The following CLSTN2 variants were observed in gnomAD, a reference collection of about 807,000 sequenced individuals.
CLSTN2 encodes the protein calsyntenin 2.
A neutral mutation model predicts 101.2 loss-of-function variants in CLSTN2; 48 were observed. The observed-to-expected ratio is 0.47, with a 90% CI of 0.38 to 0.60. The LOEUF (loss-of-function observed/expected upper bound fraction) is 0.60. Among genes scored for constraint, CLSTN2 ranks in the 20% least tolerant of loss-of-function variants. CLSTN2 has a pLI of 0.00. For missense variants in CLSTN2, 1,160 were observed against 1,238.2 expected (o/e 0.94, Z 0.95); for synonymous variants, 481 against 463.6 (o/e 1.04, Z -0.48).
intron 6 of CLSTN2, chr3:140,452,528 G>C (rs1405899642): frequency 6.6e-6 from 1 of 152,330 alleles, no homozygotes; most frequent in Non-Finnish European, 1.5e-5. Context: ...TATCTCCTCA[G>C]AGGGTCATCA....
At chr3:140,562,342 G>T (rs777438814) in intron 13 of CLSTN2, 34 bp downstream of exon 13, 3 of 1,587,740 alleles carry the variant, frequency 1.9e-6, no homozygotes, top group Non-Finnish European at 2.6e-6. Flanking sequence ...TGCCCCAAGG[G>T]TGTCCTCTTA....
intron 2 of CLSTN2, among the ~76,000 whole-genome samples, chr3:140,359,183 C>A (rs1252061359): frequency 6.6e-6 from 1 of 151,072 alleles, no homozygotes; most frequent in Admixed American, 6.6e-5. Flanking sequence ...CCACTTGAGA[C>A]CCTAAATTCT....
rs1008075464 is a variant in CLSTN2 at position 140,260,977 on chromosome 3, C to T, written c.232+84904C>T. Among the ~76,000 whole-genome samples, 4 of 152,128 alleles carry T rather than the reference C, an allele frequency of 2.6e-5. No individual in the cohort carries two copies. The South Asian group carries it at 6.2e-4, about 24-fold the overall frequency. On this transcript the variant is annotated intron_variant, in intron 2 of 16. Transcript: ENST00000458420. ...ACCACAGGGGTGAGGTACCCCTTTT[C>T]ATCATGTTAAGTAAAGGATATGTAA... is the stretch of plus-strand genomic sequence containing the variant.
intron 2 of CLSTN2, among the ~76,000 whole-genome samples, chr3:140,274,891 C>T (rs2086779912): frequency 6.6e-6 from 1 of 152,206 alleles, no homozygotes; most frequent in Non-Finnish European, 1.5e-5. Context: ...GCAACAGCCA[C>T]TTCTGGCGAG....
chr3:140,092,226 G>A lies in CLSTN2; in HGVS notation c.110-83725G>A, dbSNP rs557725634. ...ATGCTGTCTTACTGTTCAATTCACTGAAGAATCCTCCCACAGTCATCACTT... is the reference window on the plus strand; with the variant it reads ...ATGCTGTCTTACTGTTCAATTCACTAAAGAATCCTCCCACAGTCATCACTT... On this transcript the variant is annotated intron_variant, in intron 1 of 16. Transcript: ENST00000458420. Among the ~76,000 whole-genome samples, 272 of 152,270 alleles carry A rather than the reference G, an allele frequency of 1.8e-3. 3 individuals are homozygous for A. The highest frequency in any genetic ancestry group is 6.4e-3 in the African/African-American group (264 of 41,562).
At chr3:140,510,491 C>G (rs964242457) in intron 8 of CLSTN2, among the ~76,000 whole-genome samples, 6 of 152,224 alleles carry the variant, frequency 3.9e-5, no homozygotes, top group African/African-American at 7.2e-5. Flanking sequence ...GTCTTGATTT[C>G]CATGCTCGAA....
At chr3:140,234,520 C>T (rs2086399423) in intron 2 of CLSTN2, among the ~76,000 whole-genome samples, 1 of 152,100 alleles carries the variant, frequency 6.6e-6, no homozygotes, top group Non-Finnish European at 1.5e-5. Flanking sequence ...GTAGATGAGT[C>T]ATGTCAAGCT....
intron 16 of CLSTN2, 24 bp downstream of exon 16, chr3:140,564,169 G>C (rs1935987124): frequency 6.2e-7 from 1 of 1,608,628 alleles, no homozygotes; most frequent in Non-Finnish European, 8.5e-7. Context: ...ACGGCTGGGA[G>C]TTCTGGGTGG....
At chr3:140,193,989 A>G (rs1254837067) in intron 2 of CLSTN2, among the ~76,000 whole-genome samples, 3 of 151,854 alleles carry the variant, frequency 2.0e-5, no homozygotes, top group Non-Finnish European at 4.4e-5. Flanking sequence ...TATATTTTCT[A>G]TTTATTTGCT....
intron 1 of CLSTN2, among the ~76,000 whole-genome samples, chr3:140,169,074 T>C (rs2010175384): frequency 6.6e-6 from 1 of 152,106 alleles, no homozygotes; most frequent in South Asian, 2.1e-4. Flanking sequence ...TATATATCAA[T>C]TTTGGGGAAA....
intron 8 of CLSTN2, among the ~76,000 whole-genome samples, chr3:140,528,588 T>C (rs917925252): frequency 2.0e-5 from 3 of 150,610 alleles, no homozygotes; most frequent in Admixed American, 6.6e-5. Flanking sequence ...AGTTAACGAA[T>C]GAGTGAATGT....
intron 1 of CLSTN2, among the ~76,000 whole-genome samples, chr3:139,997,774 T>C (rs2006714604): frequency 6.6e-6 from 1 of 152,240 alleles, no homozygotes; most frequent in Non-Finnish European, 1.5e-5. Context: ...ATTTCAAATG[T>C]ACATTTAGAG....
rs1391316240 is a variant in CLSTN2, at chr3:140,403,650, T to C, written c.254T>C (p.Ile85Thr). The C allele has an allele frequency of 1.2e-6, 2 of 1,612,868 alleles. No individual in the cohort carries two copies. The highest frequency in any genetic ancestry group is 1.7e-6 in the Non-Finnish European group (2 of 1,179,416). ...GCAGGGGAAATCTGTGCGTTCAAGA[T>C]CCATGGCCAGGAGCTGCCCTTTGAG... Reference protein sequence around the residue: ...PFAGEICAFKIHGQELPFEAV... With the variant: ...PFAGEICAFKTHGQELPFEAV... Residue 85 changes from isoleucine (I) to threonine (T), a missense_variant, in exon 3 of 17, where the codon ATC (isoleucine) becomes ACC (threonine). Coordinates refer to ENST00000458420, the MANE Select transcript of CLSTN2 (RefSeq NM_022131.3).
At chr3:140,500,694 T>G (rs566287429) in intron 8 of CLSTN2, among the ~76,000 whole-genome samples, 4 of 152,356 alleles carry the variant, frequency 2.6e-5, no homozygotes, top group South Asian at 2.1e-4. Flanking sequence ...AAGCTGCCTC[T>G]GATAAAATCA....
At chr3:140,419,491 A>AT (rs2088468869) in intron 4 of CLSTN2, among the ~76,000 whole-genome samples, 2 of 71,130 alleles carry the variant, frequency 2.8e-5, no homozygotes, top group South Asian at 3.3e-4. Context: ...TCAAAAAAAA[A>AT]AAAATATATA....
intron 1 of CLSTN2, among the ~76,000 whole-genome samples, chr3:139,974,374 C>T (rs1300668408): frequency 3.9e-5 from 6 of 152,172 alleles, no homozygotes; most frequent in Non-Finnish European, 7.3e-5. Flanking sequence ...TCTCTCTGTA[C>T]TCCTGCCCAC....
At chr3:140,202,552 C>A (rs1466657723) in intron 2 of CLSTN2, among the ~76,000 whole-genome samples, 1 of 152,096 alleles carries the variant, frequency 6.6e-6, no homozygotes, top group Non-Finnish European at 1.5e-5. Context: ...GTCTGCTGTG[C>A]CTTATAGCTT....
At chr3:140,294,296 A>C (rs2086982566) in intron 2 of CLSTN2, among the ~76,000 whole-genome samples, 1 of 152,244 alleles carries the variant, frequency 6.6e-6, no homozygotes, top group African/African-American at 2.4e-5. Flanking sequence ...CTAAACTGTT[A>C]ATCTCAGTAG....
chr3:140,028,873 G>GA (rs1275706740), intron 1 of CLSTN2, among the ~76,000 whole-genome samples: 8 of 152,146 alleles, frequency 5.3e-5, no homozygotes, highest in Non-Finnish European at 1.0e-4. Flanking sequence ...CACTTTGACT[G>GA]AAAATGGACC....
Sources: allele counts gnomAD v4.1 joint callset (sites outside exome capture counted in the v4.1 genomes callset), GRCh38; gene constraint gnomAD v4.1.1; transcripts MANE v1.5; gene names NCBI Gene and HGNC (gene_info 2026-07-23, HGNC 2026-07-21).